The following UGT1A8 variants were observed in gnomAD, a reference collection of about 807,000 sequenced individuals.
The protein encoded by UGT1A8 is UDP glucuronosyltransferase family 1 member A8, also known as UDP-glucuronosyltransferase 1A8.
A neutral mutation model predicts 45.3 loss-of-function variants in UGT1A8; 39 were observed. The ratio of observed to expected loss-of-function variants is 0.86; its 90% CI spans 0.67 to 1.12. UGT1A8 has a LOEUF of 1.12. UGT1A8 is among the 50% of genes most tolerant of loss of function. The pLI is 0.00. For missense variants in UGT1A8, 719 were observed against 664.9 expected, an observed-to-expected ratio of 1.08 and a Z score of -0.90; for synonymous variants, 275 against 249.2, an observed-to-expected ratio of 1.10 and a Z score of -0.97.
chr2:233,697,701 G>T (rs765701149), intron 1 of UGT1A8, among the ~76,000 whole-genome samples: 13 of 151,746 alleles, frequency 8.6e-5, no homozygotes, highest in Non-Finnish European at 1.5e-4. Flanking sequence ...TTGGATGTAG[G>T]CATTTATTGT....
intron 1 of UGT1A8, among the ~76,000 whole-genome samples, chr2:233,700,741 C>CTT (rs1337055948): frequency 1.3e-5 from 2 of 151,592 alleles, no homozygotes; most frequent in Non-Finnish European, 2.9e-5. Flanking sequence ...TATTATTATA[C>CTT]TTTAAGTTTT....
intron 1 of UGT1A8, among the ~76,000 whole-genome samples, chr2:233,725,654 C>T (rs918402674): frequency 3.9e-4 from 59 of 152,204 alleles, no homozygotes; most frequent in African/African-American, 1.3e-3. Context: ...TACAGCATAT[C>T]TCAATTTGGA....
intron 1 of UGT1A8, among the ~76,000 whole-genome samples, chr2:233,631,699 A>C (rs190051115): frequency 2.7e-4 from 41 of 151,964 alleles, no homozygotes; most frequent in African/African-American, 9.7e-4. Context: ...TTTCTTGTAA[A>C]TTGGTTTAAG....
At chr2:233,636,642 C>G (rs1559317931) in intron 1 of UGT1A8, 2 of 1,614,098 alleles carry the variant, frequency 1.2e-6, no homozygotes, top group Non-Finnish European at 1.7e-6. Flanking sequence ...ACTGGTTCAC[C>G]ATGCAGTCGG....
intron 1 of UGT1A8, among the ~76,000 whole-genome samples, chr2:233,725,696 T>C (rs1461246019): frequency 6.6e-6 from 1 of 152,258 alleles, no homozygotes; most frequent in Non-Finnish European, 1.5e-5. Context: ...AATAGTCATA[T>C]GTAGTTAGTG....
intron 1 of UGT1A8, chr2:233,721,930 C>A: frequency 2.6e-6 from 1 of 377,680 alleles, no homozygotes; most frequent in Non-Finnish European, 5.3e-6. Context: ...AAGTGACATC[C>A]TTCAGACACT....
intron 1 of UGT1A8, among the ~76,000 whole-genome samples, chr2:233,667,680 T>A (rs549388048): frequency 6.6e-6 from 1 of 152,044 alleles, no homozygotes; most frequent in Non-Finnish European, 1.5e-5. Flanking sequence ...CAGACAAATT[T>A]ACAAGAAAAA....
chr2:233,704,415 CA>C lies in UGT1A8; in HGVS notation c.856-62617del, dbSNP rs1201180992. On this transcript the variant is annotated intron_variant, in intron 1 of 4. Transcript: ENST00000373450. Reference sequence around the variant, plus strand: ...ACCAGTATCTACTTCAGATTTATACCAACTTAATTCCAGTTAAATATTGAAA... The same window carrying C: ...ACCAGTATCTACTTCAGATTTATACCACTTAATTCCAGTTAAATATTGAAA... Among the ~76,000 whole-genome samples the C allele has an allele frequency of 2.0e-5, 3 of 152,056 alleles. No homozygotes were observed. The East Asian group carries it at 5.8e-4, about 29-fold the overall frequency.
At position 233,768,350 on chromosome 2, in the gene UGT1A8, G is replaced by A; in HGVS notation, c.1206G>A (p.Glu402=). 1 of 1,614,182 alleles carries A rather than the reference G, an allele frequency of 6.2e-7. No individual in the cohort carries two copies. Among genetic ancestry groups the A allele is most frequent in the East Asian group, 2.2e-5 (1 of 44,880 alleles). Residue 402 remains glutamate, a synonymous_variant, in exon 4 of 5, where the codon GAG becomes GAA. Transcript: ENST00000373450. ...GDQMDNAKRM[E]TKGAGVTLNV... is the part of the protein sequence containing the mutation. ...AGATGGACAATGCAAAGCGCATGGA[G>A]ACTAAGGGAGCTGGAGTGACCCTGA... is the stretch of plus-strand genomic sequence containing the variant.
At chr2:233,744,920 C>T (rs543250877) in intron 1 of UGT1A8, among the ~76,000 whole-genome samples, 1 of 151,948 alleles carries the variant, frequency 6.6e-6, no homozygotes, top group African/African-American at 2.4e-5. Flanking sequence ...GCTCAAGCTC[C>T]TTTTATAAAA....
intron 1 of UGT1A8, among the ~76,000 whole-genome samples, chr2:233,622,448 T>C (rs976096507): frequency 1.3e-5 from 2 of 152,228 alleles, no homozygotes; most frequent in Non-Finnish European, 1.5e-5. Flanking sequence ...TGATATCTCA[T>C]TGTGGTTTTG....
At chr2:233,757,562 G>A (rs1976390) in intron 1 of UGT1A8, among the ~76,000 whole-genome samples, 12,378 of 80,798 alleles carry the variant, frequency 0.15, 1,302 homozygotes, top group African/African-American at 0.2. Context: ...ATATATATAT[G>A]TATATATGAT....
rs537799034 is a variant in UGT1A8 at position 233,731,712 on chromosome 2, C to T, written c.856-35322C>T. Among the ~76,000 whole-genome samples, 65 of 152,262 alleles carry T rather than the reference C, an allele frequency of 4.3e-4. No individual in the cohort carries two copies. The South Asian group carries it at 0.013, about 30-fold the overall frequency. ...ATGGACATTTGGATTGGTTCCAGGT[C>T]TTTGCTATTGTGAATAGTGCCACAA... On this transcript the variant is annotated intron_variant, in intron 1 of 4. Coordinates refer to ENST00000373450, the MANE Select transcript of UGT1A8 (RefSeq NM_019076.5).
Position 233,618,426 on chromosome 2 carries a change from C to A in UGT1A8, c.719C>A (p.Thr240Lys). 3.1e-6 allele frequency: 5 copies of A among 1,613,932 alleles called. No individual in the cohort carries two copies. The highest frequency in any genetic ancestry group is 3.4e-6 in the Non-Finnish European group (4 of 1,179,860). Residue 240 changes from threonine (T) to lysine (K), a missense_variant, in exon 1 of 5, where the codon ACA becomes AAA. Thr to Lys is a moderately conservative substitution (Grantham distance 78). Transcript: ENST00000373450. Reference sequence around the variant, plus strand: ...TCTGAAATTCTCCAAACACCTGTCACAGCATATGATCTCTACAGCCACACA... The same window carrying A: ...TCTGAAATTCTCCAAACACCTGTCAAAGCATATGATCTCTACAGCCACACA... ...IASEILQTPV[T>K]AYDLYSHTSI... is the part of the protein sequence containing the mutation.
chr2:233,717,234 A>G (rs2076558835), intron 1 of UGT1A8, among the ~76,000 whole-genome samples: 1 of 152,176 alleles, frequency 6.6e-6, no homozygotes, highest in Admixed American at 6.5e-5. Flanking sequence ...GGTTCTTAAG[A>G]TGCAGACAGT....
chr2:233,647,997 G>A (rs2125472448), intron 1 of UGT1A8: 1 of 1,607,712 alleles, frequency 6.2e-7, no homozygotes, highest in South Asian at 1.1e-5. Context: ...GGGGGCATGA[G>A]GTGGTTGTAG....
intron 1 of UGT1A8, among the ~76,000 whole-genome samples, chr2:233,744,247 T>C (rs1227654990): frequency 1.3e-5 from 2 of 151,818 alleles, no homozygotes; most frequent in Non-Finnish European, 2.9e-5. Flanking sequence ...TTTGGCTGCC[T>C]GAAGAACTGT....
Position 233,767,047 on chromosome 2 carries a change from A to G in UGT1A8, c.869A>G (p.Tyr290Cys). Residue 290 changes from tyrosine to cysteine, a missense_variant, in exon 2 of 5, where the codon TAC (tyrosine) becomes TGC (cysteine). Physicochemically the swap from Tyr to Cys is radical, Grantham distance 194. Coordinates refer to ENST00000373450, the MANE Select transcript of UGT1A8 (RefSeq NM_019076.5). The stretch of plus-strand genomic sequence containing the variant: ...TTCTGGCTCTAGGAATTTGAAGCCT[A>G]CATTAATGCTTCTGGAGAACATGGA... Reference protein sequence around the residue: ...GKPLPMEFEAYINASGEHGIV... With the variant: ...GKPLPMEFEACINASGEHGIV... The G allele has an allele frequency of 6.2e-7, 1 of 1,614,154 alleles. No homozygotes were observed. The highest frequency in any genetic ancestry group is 8.5e-7 in the Non-Finnish European group (1 of 1,180,014).
chr2:233,690,040 GC>G, intron 1 of UGT1A8: 1 of 416,166 alleles, frequency 2.4e-6, no homozygotes, highest in South Asian at 1.8e-5. Context: ...TGGGCCCAGA[GC>G]ATTCTGACTT....
Sources: allele counts gnomAD v4.1 joint callset (sites outside exome capture counted in the v4.1 genomes callset), GRCh38; gene constraint gnomAD v4.1.1; transcripts MANE v1.5; gene names NCBI Gene and HGNC (gene_info 2026-07-23, HGNC 2026-07-21).